ABCC9: variants seen among roughly 807,000 people sequenced by gnomAD.
ABCC9 encodes ATP binding cassette subfamily C member 9.
A neutral mutation model predicts 188.3 loss-of-function variants in ABCC9; 95 were observed. That is an observed-to-expected ratio of 0.50 (90% confidence interval 0.43 to 0.60). The LOEUF is 0.60. Ranked by LOEUF, ABCC9 falls within the 20% of genes least tolerant of loss-of-function variation. The pLI is 0.00. For synonymous variants in ABCC9, 659 were observed against 652.7 expected, an observed-to-expected ratio of 1.01 and a Z score of -0.15; for missense variants, 1,102 against 1,876.3, an observed-to-expected ratio of 0.59 and a Z score of 7.62.
At chr12:21,820,571 G>C (rs1030414634) in intron 31 of ABCC9, among the ~76,000 whole-genome samples, 22 of 151,792 alleles carry the variant, frequency 1.4e-4, no homozygotes, top group African/African-American at 5.1e-4. Flanking sequence ...CAGACTATAT[G>C]TCTGGATTTT....
At chr12:21,848,650 G>T (rs1198022561) in intron 24 of ABCC9, among the ~76,000 whole-genome samples, 1 of 152,148 alleles carries the variant, frequency 6.6e-6, no homozygotes, top group Non-Finnish European at 1.5e-5. Flanking sequence ...AGAGCACATG[G>T]TTCCAAGTTG....
chr12:21,845,923 C>A, intron 25 of ABCC9, 91 bp from the exon 26 acceptor site: 2 of 973,778 alleles, frequency 2.1e-6, no homozygotes, highest in African/African-American at 3.2e-5. Flanking sequence ...AACATTCATA[C>A]ATTTATAAAA....
intron 31 of ABCC9, among the ~76,000 whole-genome samples, chr12:21,823,632 C>G (rs191666351): frequency 5.3e-4 from 80 of 152,330 alleles, no homozygotes; most frequent in African/African-American, 1.9e-3. Context: ...TTCCACCACA[C>G]AGCAAGACAA....
At chr12:21,920,411 A>G (rs753966355) in intron 5 of ABCC9, among the ~76,000 whole-genome samples, 11 of 152,096 alleles carry the variant, frequency 7.2e-5, no homozygotes, top group Non-Finnish European at 1.6e-4. Flanking sequence ...CAAAGTCAAC[A>G]TACAAAATCA....
At chr12:21,908,243 T>C in intron 10 of ABCC9, 32 bp from the exon 11 acceptor site, 1 of 1,610,364 alleles carries the variant, frequency 6.2e-7, no homozygotes, top group Non-Finnish European at 8.5e-7. Context: ...AAAGAGAAGA[T>C]GAATGGGTTG....
intron 4 of ABCC9, among the ~76,000 whole-genome samples, chr12:21,931,800 G>C (rs1949300679): frequency 6.6e-6 from 1 of 152,030 alleles, no homozygotes; most frequent in Non-Finnish European, 1.5e-5. Flanking sequence ...AAATATACCA[G>C]CATTTTAAAC....
At chr12:21,917,786 C>T (rs1294672147) in intron 5 of ABCC9, among the ~76,000 whole-genome samples, 1 of 152,156 alleles carries the variant, frequency 6.6e-6, no homozygotes, top group Admixed American at 6.6e-5. Context: ...GAAGCAGAGA[C>T]TTTCCTAGAA....
At chr12:21,845,264 G>A (rs1322391306) in intron 26 of ABCC9, among the ~76,000 whole-genome samples, 1 of 152,002 alleles carries the variant, frequency 6.6e-6, no homozygotes, top group East Asian at 1.9e-4. Context: ...GATGTAGGTA[G>A]TTAACATCAA....
rs1476731491 is a variant in ABCC9, at chr12:21,800,437, T to A, written c.*607A>T. On this transcript the variant is annotated 3_prime_UTR_variant, in exon 40 of 40. Coordinates refer to ENST00000261200, the MANE Select transcript of ABCC9 (RefSeq NM_020297.4). ...TTAAAAATATCCAAACTCTTCATGA[T>A]CTTTCTAGATAAGGCTTTGGCCTTA... 3 of 152,384 alleles carry A rather than the reference T, an allele frequency of 2.0e-5. No individual in the cohort carries two copies. Among genetic ancestry groups the A allele is most frequent in the African/African-American group, 7.2e-5 (3 of 41,424 alleles). 9.4% of individuals were successfully genotyped at this position (152,384 alleles called of 1,614,324 possible).
chr12:21,903,517 A>C (rs959999396), intron 12 of ABCC9, among the ~76,000 whole-genome samples: 1 of 152,214 alleles, frequency 6.6e-6, no homozygotes, highest in Non-Finnish European at 1.5e-5. Context: ...ACATGATTGT[A>C]TATCTAGAAA....
rs697251 is a variant in ABCC9, at chr12:21,864,552, G to C, written c.2199-75C>G. 446 of 1,035,330 alleles carry C rather than the reference G, an allele frequency of 4.3e-4. 1 individual carries two copies. In the African/African-American group the frequency reaches 6.3e-3, roughly 15 times the overall value. 64.1% of individuals were successfully genotyped at this position (1,035,330 alleles called of 1,614,324 possible). The stretch of plus-strand genomic sequence containing the variant: ...ACCAATGTGCATACACGTCAGGTAA[G>C]AGATACAATAAACACTGGACATATT... On this transcript the variant is annotated intron_variant, in intron 18 of 39. Coordinates refer to ENST00000261200, the MANE Select transcript of ABCC9 (RefSeq NM_020297.4).
chr12:21,889,990 A>G (rs1263448019), intron 14 of ABCC9, among the ~76,000 whole-genome samples: 1 of 152,116 alleles, frequency 6.6e-6, no homozygotes, highest in East Asian at 1.9e-4. Context: ...CTCCCACTAG[A>G]CTGTGAACTC....
At chr12:21,832,050 G>A (rs529060820) in intron 30 of ABCC9, among the ~76,000 whole-genome samples, 7 of 152,242 alleles carry the variant, frequency 4.6e-5, no homozygotes, top group Non-Finnish European at 7.4e-5. Flanking sequence ...TTCTTTCTGC[G>A]TGTTTCTATT....
At chr12:21,802,748 T>C (rs1476231636) in intron 39 of ABCC9, among the ~76,000 whole-genome samples, 1 of 152,156 alleles carries the variant, frequency 6.6e-6, no homozygotes, top group Non-Finnish European at 1.5e-5. Flanking sequence ...AAATGCCATC[T>C]GTTTAGCTGA....
At chr12:21,907,657 C>T (rs953878439) in intron 11 of ABCC9, among the ~76,000 whole-genome samples, 1 of 151,994 alleles carries the variant, frequency 6.6e-6, no homozygotes, top group African/African-American at 2.4e-5. Context: ...TAGATCCTCA[C>T]ATGCTTTGAG....
rs1193373950 is a variant in ABCC9 at position 21,852,481 on chromosome 12, T to C, written c.2530A>G (p.Ile844Val). The change falls in exon 23 of 40, where the codon ATT becomes GTT. Residue 844 changes from isoleucine (I) to valine (V), a missense_variant. Physicochemically the swap from Ile to Val is conservative, Grantham distance 29. Around this residue, in one of 12 missense-constraint regions of ABCC9, gnomAD observed 31 missense variants for 78.8 expected, o/e 0.39. Coordinates refer to ENST00000261200, the MANE Select transcript of ABCC9 (RefSeq NM_020297.4). Reference protein sequence around the residue: ...FLDDPFSALDIHLSDHLMQEG... With the variant: ...FLDDPFSALDVHLSDHLMQEG... ...TGCATTAAATGATCACTCAAGTGAA[T>C]GTCCAGGGCTGAGAATGGATCATCC... is the stretch of plus-strand genomic sequence containing the variant. 14 of 1,612,188 alleles carry C rather than the reference T, an allele frequency of 8.7e-6. No homozygotes were observed. The East Asian group carries it at 3.1e-4, about 36-fold the overall frequency.
intron 38 of ABCC9, 123 bp downstream of exon 38, chr12:21,807,223 A>G (rs1591934560): frequency 7.5e-7 from 1 of 1,330,748 alleles, no homozygotes; most frequent in Non-Finnish European, 1.1e-6. Flanking sequence ...CCAGTAGATG[A>G]TTGAGCAGAT....
intron 5 of ABCC9, among the ~76,000 whole-genome samples, chr12:21,920,816 A>G (rs1948786183): frequency 6.6e-6 from 1 of 151,976 alleles, no homozygotes; most frequent in Non-Finnish European, 1.5e-5. Context: ...CGAGAATATG[A>G]GATGTCTGTC....
rs1326389765 is a variant in ABCC9, at chr12:21,894,154, A to G, written c.1680T>C (p.Tyr560=). Reference sequence around the variant, plus strand: ...CAGGTTTCAGATTGTTTCCACTGGCATACGCATGGGTCACAAATGTCTGTG... The same window carrying G: ...CAGGTTTCAGATTGTTTCCACTGGCGTACGCATGGGTCACAAATGTCTGTG... ...AVLATFVTHA[Y]ASGNNLKPAE... Residue 560 remains tyrosine (Y), a synonymous_variant, in exon 14 of 40, where the codon TAT becomes TAC. Coordinates refer to ENST00000261200, the MANE Select transcript of ABCC9 (RefSeq NM_020297.4). The G allele has an allele frequency of 6.2e-7, 1 of 1,613,978 alleles. No individual in the cohort carries two copies. Among genetic ancestry groups the G allele is most frequent in the East Asian group, 2.2e-5 (1 of 44,890 alleles).
Sources: allele counts gnomAD v4.1 joint callset (sites outside exome capture counted in the v4.1 genomes callset), GRCh38; gene constraint gnomAD v4.1.1; regional missense constraint gnomAD v4.1.1; transcripts MANE v1.5; gene names NCBI Gene and HGNC (gene_info 2026-07-23, HGNC 2026-07-21).